Variants in GALNT13 observed in about 807,000 individuals in gnomAD.
GALNT13 encodes polypeptide N-acetylgalactosaminyltransferase 13.
GALNT13 carries 28 observed loss-of-function variants against 64.2 expected under a neutral mutation model. The observed-to-expected ratio is 0.44, with a 90% confidence interval of 0.32 to 0.60. The LOEUF (loss-of-function observed/expected upper bound fraction) is 0.60, where lower values mean the gene tolerates loss of function less well. Among genes scored for constraint, GALNT13 ranks in the 20% least tolerant of loss-of-function variants. The pLI is 0.05. For synonymous variants in GALNT13, 214 were observed against 224.6 expected (o/e 0.95, Z 0.42); for missense variants, 577 against 669.8 (o/e 0.86, Z 1.53).
intron 8 of GALNT13, among the ~76,000 whole-genome samples, chr2:154,276,839 C>T (rs1247754826): frequency 1.3e-5 from 2 of 152,200 alleles, no homozygotes. Context: ...GATGGTTTTA[C>T]AAAGGGCTTT....
intron 3 of GALNT13, among the ~76,000 whole-genome samples, chr2:153,971,233 G>A (rs1201755748): frequency 6.6e-6 from 1 of 152,070 alleles, no homozygotes; most frequent in Non-Finnish European, 1.5e-5. Flanking sequence ...AGCCCACATG[G>A]CCACACTATT....
In GALNT13 at chr2:154,450,781, C is replaced by T. The variant is rs148564609; in HGVS notation, c.*230C>T. The T allele has an allele frequency of 3.3e-5, 13 of 390,752 alleles. No individual in the cohort carries two copies. The highest frequency in any genetic ancestry group is 8.2e-5 in the African/African-American group (4 of 48,620). The allele number at this position is 390,752 out of a possible 1,614,324, so 24.2% of individuals were successfully genotyped here. A position where few individuals can be genotyped will look rare whatever the true frequency, so the allele number is the denominator to read the frequency against. On this transcript the variant is annotated 3_prime_UTR_variant, in exon 13 of 13. Transcript: ENST00000392825. The stretch of plus-strand genomic sequence containing the variant: ...ATAATAGCAAACTACTATTAAACAA[C>T]AGAACAACTTGTAAAACAAATTGTG...
intron 4 of GALNT13, among the ~76,000 whole-genome samples, chr2:154,155,130 A>G (rs1046321229): frequency 3.3e-5 from 5 of 152,082 alleles, no homozygotes; most frequent in Non-Finnish European, 5.9e-5. Context: ...AGCTATAGTA[A>G]TTCTCAACTT....
chr2:154,399,983 A>G (rs1917441), intron 10 of GALNT13, among the ~76,000 whole-genome samples: 7,231 of 152,242 alleles, frequency 0.047, 232 homozygotes, highest in Middle Eastern at 0.082. Flanking sequence ...GTAGTTTTCC[A>G]CTTTAAAACT....
the GALNT13 span, among the ~76,000 whole-genome samples, chr2:153,433,527 T>A: frequency 2.6e-5 from 4 of 152,180 alleles, no homozygotes; most frequent in African/African-American, 4.8e-5. Context: ...TTTTTTCAAA[T>A]AAATATTAAC....
the GALNT13 span, among the ~76,000 whole-genome samples, chr2:153,589,519 G>T: frequency 9.1e-4 from 138 of 152,208 alleles, 1 homozygote; most frequent in African/African-American, 3.2e-3. Flanking sequence ...CCACTCTACT[G>T]GTACCAATTT....
chr2:153,875,047 G>A (rs982647219), intron 1 of GALNT13, among the ~76,000 whole-genome samples: 9 of 151,888 alleles, frequency 5.9e-5, no homozygotes, highest in Middle Eastern at 3.4e-3. Flanking sequence ...ATACTTGGGG[G>A]CTATATATTG....
At chr2:154,353,069 C>A (rs941384506) in intron 9 of GALNT13, among the ~76,000 whole-genome samples, 2 of 152,072 alleles carry the variant, frequency 1.3e-5, no homozygotes, top group Non-Finnish European at 2.9e-5. Context: ...ACTACAATGA[C>A]CTGAATGCAA....
intron 11 of GALNT13, among the ~76,000 whole-genome samples, chr2:154,434,705 A>G (rs1700867127): frequency 6.6e-6 from 1 of 152,154 alleles, no homozygotes; most frequent in Admixed American, 6.5e-5. Flanking sequence ...TATATGTGAT[A>G]CTAGATAGCT....
intron 9 of GALNT13, among the ~76,000 whole-genome samples, chr2:154,312,961 C>T (rs1212479887): frequency 1.3e-5 from 2 of 151,910 alleles, no homozygotes; most frequent in Non-Finnish European, 2.9e-5. Context: ...TGAATTGTAT[C>T]TTGAATTGTA....
intron 3 of GALNT13, among the ~76,000 whole-genome samples, chr2:153,957,967 T>C (rs1692689988): frequency 6.6e-6 from 1 of 152,202 alleles, no homozygotes; most frequent in South Asian, 2.1e-4. Context: ...TTCTATGTTT[T>C]TCCTTGTGTA....
At chr2:153,075,733 T>C in the GALNT13 span, among the ~76,000 whole-genome samples, 19 of 152,266 alleles carry the variant, frequency 1.2e-4, no homozygotes, top group African/African-American at 4.6e-4. Flanking sequence ...CTTCTATCCT[T>C]GTGTCCTCCA....
At chr2:153,969,513 T>A (rs921357474) in intron 3 of GALNT13, among the ~76,000 whole-genome samples, 8 of 152,076 alleles carry the variant, frequency 5.3e-5, no homozygotes, top group Admixed American at 2.0e-4. Context: ...GTTACAATTA[T>A]AATCTTGGTT....
intron 9 of GALNT13, among the ~76,000 whole-genome samples, chr2:154,367,463 A>C (rs947935300): frequency 1.3e-5 from 2 of 152,196 alleles, no homozygotes; most frequent in Admixed American, 1.3e-4. Context: ...CATTCCTGAA[A>C]ATCCTAGCTG....
the GALNT13 span, among the ~76,000 whole-genome samples, chr2:153,719,817 C>G: frequency 6.6e-5 from 10 of 151,590 alleles, no homozygotes; most frequent in African/African-American, 9.7e-5. Context: ...CCTACGCCCA[C>G]GGAATCTCGC....
the GALNT13 span, among the ~76,000 whole-genome samples, chr2:153,415,878 T>C: frequency 6.6e-6 from 1 of 152,272 alleles, no homozygotes; most frequent in East Asian, 1.9e-4. Flanking sequence ...ATTTCTATAA[T>C]CAGAAAAGAA....
At chr2:153,717,579 AAG>A in the GALNT13 span, among the ~76,000 whole-genome samples, 1 of 152,236 alleles carries the variant, frequency 6.6e-6, no homozygotes, top group Non-Finnish European at 1.5e-5. Flanking sequence ...TTGCTTATAT[AAG>A]ACAACACAAA....
rs1363004528 is a variant in GALNT13 at position 154,453,187 on chromosome 2, T to C, written c.*2636T>C. 4 of 152,180 alleles carry C rather than the reference T, an allele frequency of 2.6e-5. No individual in the cohort carries two copies. The highest frequency in any genetic ancestry group is 1.3e-4 in the Admixed American group (2 of 15,256). The allele number at this position is 152,180 out of a possible 1,614,324, so 9.4% of individuals were successfully genotyped here. On this transcript the variant is annotated 3_prime_UTR_variant, in exon 13 of 13. Coordinates refer to ENST00000392825, the MANE Select transcript of GALNT13 (RefSeq NM_052917.4). ...ATTTCCCAGTCCTTGTCTTGAACAA[T>C]CTTTTCTCAGTACAACAGCCATAGT...
At chr2:153,319,356 C>T in the GALNT13 span, among the ~76,000 whole-genome samples, 2,795 of 152,260 alleles carry the variant, frequency 0.018, 89 homozygotes, top group African/African-American at 0.064. Flanking sequence ...CTCATTGCCG[C>T]CTCAAACTCC....
Sources: gnomAD v4.1 joint callset for allele counts (sites outside exome capture counted in the v4.1 genomes callset) on GRCh38, gnomAD v4.1.1 for gene constraint, MANE v1.5 for transcripts, NCBI Gene and HGNC (gene_info 2026-07-23, HGNC 2026-07-21) for gene names.